PIEZO2: variants seen among roughly 807,000 people sequenced by gnomAD.
The protein encoded by PIEZO2 is piezo type mechanosensitive ion channel component 2, also known as piezo-type mechanosensitive ion channel component 2.
Under a neutral mutation model 337.3 loss-of-function variants are expected in PIEZO2, and 172 were observed. The ratio of observed to expected loss-of-function variants is 0.51; its 90% CI spans 0.45 to 0.58. The LOEUF (loss-of-function observed/expected upper bound fraction) is 0.58. Ranked by LOEUF, PIEZO2 falls within the 20% of genes least tolerant of loss-of-function variation. PIEZO2 has a pLI of 0.00. For missense variants in PIEZO2, 3,028 were observed against 3,391.3 expected (o/e 0.89, Z 2.66); for synonymous variants, 1,251 against 1,228.5 (o/e 1.02, Z -0.38).
intron 26 of PIEZO2, 22 bp from the exon 27 acceptor site, chr18:10,758,156 C>A: frequency 6.5e-7 from 1 of 1,534,558 alleles, no homozygotes; most frequent in South Asian, 1.2e-5. Context: ...GAGGTGAGAT[C>A]ATTAAGCCGC....
intron 5 of PIEZO2, among the ~76,000 whole-genome samples, chr18:10,857,445 T>G (rs985978975): frequency 6.6e-6 from 1 of 151,858 alleles, no homozygotes; most frequent in African/African-American, 2.4e-5. Flanking sequence ...CCTAATAACA[T>G]GTCATATTCC....
intron 27 of PIEZO2, among the ~76,000 whole-genome samples, chr18:10,757,311 T>G: frequency 7.9e-6 from 1 of 126,600 alleles, no homozygotes; most frequent in Non-Finnish European, 1.7e-5. Flanking sequence ...GATGAGGGAT[T>G]AAGGATGAGT....
At chr18:10,987,950 C>T (rs1316821774) in intron 2 of PIEZO2, among the ~76,000 whole-genome samples, 1 of 152,098 alleles carries the variant, frequency 6.6e-6, no homozygotes, top group Non-Finnish European at 1.5e-5. Flanking sequence ...GTCGACATCA[C>T]TAATTATGAA....
rs2033737007 is a variant in PIEZO2, at chr18:10,670,803, T to C, written c.*724A>G. Reference sequence around the variant, plus strand: ...GAATGGTTCCCCTCATTGAAGCTGGTCACTGGTGGACCATAACAAAGCAGG... The same window carrying C: ...GAATGGTTCCCCTCATTGAAGCTGGCCACTGGTGGACCATAACAAAGCAGG... On this transcript the variant is annotated 3_prime_UTR_variant, in exon 56 of 56. Transcript: ENST00000674853. 6.6e-6 allele frequency: 1 copy of C among 152,364 alleles called. No individual in the cohort carries two copies. The highest frequency in any genetic ancestry group is 1.5e-5 in the Non-Finnish European group (1 of 68,010). The allele number at this position is 152,364 out of a possible 1,614,324, so 9.4% of individuals were successfully genotyped here.
chr18:11,013,928 G>T (rs1456459910), intron 2 of PIEZO2, among the ~76,000 whole-genome samples: 1 of 152,198 alleles, frequency 6.6e-6, no homozygotes, highest in East Asian at 1.9e-4. Flanking sequence ...AAAATCCTCA[G>T]TCAAGACATT....
chr18:10,880,993 T>C (rs1289575894), intron 4 of PIEZO2, among the ~76,000 whole-genome samples: 1 of 149,890 alleles, frequency 6.7e-6, no homozygotes, highest in East Asian at 2.0e-4. Flanking sequence ...TTGGTGTAAA[T>C]AGAGAAAGGT....
At chr18:11,071,049 T>C (rs2038321647) in intron 1 of PIEZO2, among the ~76,000 whole-genome samples, 1 of 152,188 alleles carries the variant, frequency 6.6e-6, no homozygotes, top group Middle Eastern at 3.4e-3. Context: ...CAAAATGCAA[T>C]AATTTTATTG....
intron 1 of PIEZO2, among the ~76,000 whole-genome samples, chr18:11,082,440 C>G (rs1048734355): frequency 2.6e-5 from 4 of 151,872 alleles, no homozygotes; most frequent in Non-Finnish European, 5.9e-5. Flanking sequence ...GCCTCAGCCT[C>G]CAGAGTAGCT....
Position 10,783,117 on chromosome 18 carries a change from A to G in PIEZO2, c.2492+1667T>C, listed in dbSNP as rs745526291. 2.6e-5 allele frequency among the ~76,000 whole-genome samples: 4 copies of G among 152,188 alleles called. No individual in the cohort carries two copies. Among genetic ancestry groups the G allele is most frequent in the Non-Finnish European group, 5.9e-5 (4 of 68,034 alleles). On this transcript the variant is annotated intron_variant, in intron 17 of 55. Coordinates refer to ENST00000674853, the MANE Select transcript of PIEZO2 (RefSeq NM_001378183.1). The surrounding 1 kb of genome is among the most constrained non-coding windows in gnomAD (Gnocchi z 4.3). ...TGAGAAAAAAAAATGAATATGCAAG[A>G]GAAGAAATGGCATTTGGAAGAAAAA...
At chr18:10,864,727 G>A (rs2041961938) in intron 5 of PIEZO2, among the ~76,000 whole-genome samples, 1 of 152,224 alleles carries the variant, frequency 6.6e-6, no homozygotes, top group Non-Finnish European at 1.5e-5. Context: ...AGCCCCAGAA[G>A]GGCAAGAGTG....
intron 8 of PIEZO2, among the ~76,000 whole-genome samples, chr18:10,804,908 T>C (rs1465500435): frequency 6.6e-6 from 1 of 152,148 alleles, no homozygotes; most frequent in Non-Finnish European, 1.5e-5. Context: ...AGAGCCCACA[T>C]GAAATGTTGA....
intron 1 of PIEZO2, among the ~76,000 whole-genome samples, chr18:11,072,951 C>A (rs2038399464): frequency 1.3e-5 from 2 of 152,240 alleles, no homozygotes; most frequent in African/African-American, 2.4e-5. Flanking sequence ...GCACTTAGCA[C>A]AGGGCCCTCT....
At chr18:11,072,608 C>T (rs931338178) in intron 1 of PIEZO2, among the ~76,000 whole-genome samples, 4 of 152,300 alleles carry the variant, frequency 2.6e-5, no homozygotes, top group South Asian at 4.2e-4. Context: ...ATGCATTTCA[C>T]GTCAATTAAC....
Position 10,806,158 on chromosome 18 carries a change from C to T in PIEZO2, c.1080+954G>A, listed in dbSNP as rs1203131110. ...AGACAGAGAAAGTAGGGAACTTCTG[C>T]AGGGCCTCAGGCTAGAAGTGATTCG... is the stretch of plus-strand genomic sequence containing the variant. On this transcript the variant is annotated intron_variant, in intron 8 of 55. Coordinates refer to ENST00000674853, the MANE Select transcript of PIEZO2 (RefSeq NM_001378183.1). Among the ~76,000 whole-genome samples, 3 of 152,264 alleles carry T rather than the reference C, an allele frequency of 2.0e-5. No individual in the cohort carries two copies. In the East Asian group the frequency reaches 5.8e-4, roughly 29 times the overall value.
chr18:10,991,528 G>C (rs1343359761), intron 2 of PIEZO2, among the ~76,000 whole-genome samples: 2 of 152,136 alleles, frequency 1.3e-5, no homozygotes, highest in Admixed American at 6.5e-5. Context: ...ATGGTTTCCA[G>C]CTTCATCCAT....
intron 1 of PIEZO2, among the ~76,000 whole-genome samples, chr18:11,139,572 C>T (rs138832197): frequency 6.6e-6 from 1 of 152,152 alleles, no homozygotes; most frequent in Non-Finnish European, 1.5e-5. Context: ...CATCCCATCC[C>T]ACCTAGACGA....
intron 1 of PIEZO2, among the ~76,000 whole-genome samples, chr18:11,145,786 G>A (rs117299285): frequency 0.018 from 2,789 of 152,308 alleles, 40 homozygotes; most frequent in Non-Finnish European, 0.027. Context: ...ATTAGAAGAT[G>A]TCAATAATTT....
chr18:11,113,154 T>C (rs983618971), intron 1 of PIEZO2, among the ~76,000 whole-genome samples: 5 of 152,122 alleles, frequency 3.3e-5, no homozygotes, highest in Non-Finnish European at 7.4e-5. Flanking sequence ...ACAGTTAACA[T>C]CTTCTCCCAC....
chr18:10,860,840 C>A (rs539460491), intron 5 of PIEZO2, among the ~76,000 whole-genome samples: 1 of 152,282 alleles, frequency 6.6e-6, no homozygotes, highest in Non-Finnish European at 1.5e-5. Context: ...TTTCCCTGAC[C>A]TGTCTTAGGA....
Sources: allele counts gnomAD v4.1 joint callset (sites outside exome capture counted in the v4.1 genomes callset), GRCh38; gene constraint gnomAD v4.1.1; non-coding constraint Gnocchi (gnomAD v3.1); transcripts MANE v1.5; gene names NCBI Gene and HGNC (gene_info 2026-07-23, HGNC 2026-07-21).